Variants in ANKS3 observed in about 807,000 individuals in gnomAD.
The protein encoded by ANKS3 is ankyrin repeat and sterile alpha motif domain containing 3.
ANKS3 carries 62 observed loss-of-function variants against 80.7 expected under a neutral mutation model. The observed-to-expected ratio is 0.77, with a 90% CI of 0.63 to 0.95. The LOEUF (loss-of-function observed/expected upper bound fraction) is 0.95, where lower values mean the gene tolerates loss of function less well. Among genes scored for constraint, ANKS3 ranks in the 40% least tolerant of loss-of-function variants. The probability of loss-of-function intolerance (pLI) is 0.00; values close to 1 mark genes in which losing one functional copy is unlikely to be tolerated. For missense variants in ANKS3, 1,150 were observed against 883.6 expected (o/e 1.30, Z -3.82); for synonymous variants, 489 against 355.3 (o/e 1.38, Z -4.23).
intron 6 of ANKS3, among the ~76,000 whole-genome samples, chr16:4,723,153 C>T (rs2081187723): frequency 6.6e-6 from 1 of 152,168 alleles, no homozygotes. Flanking sequence ...TTGGGTTTAA[C>T]AGCCTTATAA....
intron 8 of ANKS3, 70 bp downstream of exon 8, chr16:4,705,024 AT>A: frequency 6.3e-7 from 1 of 1,574,806 alleles, no homozygotes; most frequent in Non-Finnish European, 8.6e-7. Flanking sequence ...CCTAAGAGCT[AT>A]TCCATTCTTG....
At chr16:4,700,675 G>A in intron 11 of ANKS3, 1 of 502,108 alleles carries the variant, frequency 2.0e-6, no homozygotes, top group Non-Finnish European at 3.7e-6. Context: ...GACTCCTGCA[G>A]GCAGCTCTGA....
At chr16:4,726,821 T>A in intron 4 of ANKS3, 41 bp from the exon 5 acceptor site, 1 of 1,604,936 alleles carries the variant, frequency 6.2e-7, no homozygotes, top group Non-Finnish European at 8.5e-7. Flanking sequence ...CCTCATCTCC[T>A]CTGCGTGGGG....
In ANKS3 at chr16:4,697,342, G is replaced by A. The variant is rs148047077; in HGVS notation, c.1885C>T (p.Arg629Cys). The A allele has an allele frequency of 1.7e-3, 2,694 of 1,606,738 alleles. 2 individuals are homozygous for A. The highest frequency in any genetic ancestry group is 1.8e-3 in the Non-Finnish European group (2,167 of 1,175,774). ...GTCCCCGGAGACTCACCCATCTCAC[G>A]GACACGGTCCTCCAGGGCTCCCGAG... ...ELSGALEDRV[R>C]EMGQALCLVT... Residue 629 changes from arginine (R) to cysteine (C), a missense_variant, in exon 16 of 18, where the codon CGT becomes TGT. Coordinates refer to ENST00000304283, the MANE Select transcript of ANKS3 (RefSeq NM_133450.4).
At chr16:4,717,123 T>C (rs976106588) in intron 6 of ANKS3, among the ~76,000 whole-genome samples, 8 of 151,696 alleles carry the variant, frequency 5.3e-5, no homozygotes, top group Admixed American at 5.3e-4. Flanking sequence ...ACGTCTGTAC[T>C]CCCAGCTACT....
At position 4,697,349 on chromosome 16, in the gene ANKS3, G is replaced by T; in HGVS notation, c.1878C>A (p.Asp626Glu). 6.2e-7 allele frequency: 1 copy of T among 1,608,486 alleles called. No homozygotes were observed. The highest frequency in any genetic ancestry group is 8.5e-7 in the Non-Finnish European group (1 of 1,176,826). ...GAGACTCACCCATCTCACGGACACG[G>T]TCCTCCAGGGCTCCCGAGAGCTCGG... Reference protein sequence around the residue: ...SLPELSGALEDRVREMGQALC... With the variant: ...SLPELSGALEERVREMGQALC... The change falls in exon 16 of 18, where the codon GAC (aspartate) becomes GAA (glutamate). Residue 626 changes from aspartate to glutamate, a missense_variant. Physicochemically the swap from Asp to Glu is conservative, Grantham distance 45. Coordinates refer to ENST00000304283, the MANE Select transcript of ANKS3 (RefSeq NM_133450.4).
intron 6 of ANKS3, among the ~76,000 whole-genome samples, chr16:4,716,612 T>A (rs1353733241): frequency 6.6e-6 from 1 of 151,912 alleles, no homozygotes; most frequent in Admixed American, 6.6e-5. Context: ...CTATGAGACT[T>A]TGTGCCTTAA....
At position 4,718,076 on chromosome 16, in the gene ANKS3, A is replaced by ATTT. The variant is rs780141955; in HGVS notation, c.574-3893_574-3891dup. 1.6e-3 allele frequency among the ~76,000 whole-genome samples: 208 copies of ATTT among 133,698 alleles called. 1 individual carries two copies. Among genetic ancestry groups the ATTT allele is most frequent in the African/African-American group, 5.6e-3 (201 of 36,054 alleles). The allele number at this position is 133,698 out of a possible 152,430, so 87.7% of individuals were successfully genotyped here. On this transcript the variant is annotated intron_variant, in intron 6 of 17. Coordinates refer to ENST00000304283, the MANE Select transcript of ANKS3 (RefSeq NM_133450.4). ...AGGCATGAGCCACCATGCCTGGCCAATTTTTTTTTTTTTTTTTTTTTTAAT... is the reference window on the plus strand; with the variant it reads ...AGGCATGAGCCACCATGCCTGGCCAATTTTTTTTTTTTTTTTTTTTTTTTTAAT...
chr16:4,726,089 C>T (rs2081337065), intron 5 of ANKS3, among the ~76,000 whole-genome samples: 1 of 151,892 alleles, frequency 6.6e-6, no homozygotes, highest in South Asian at 2.1e-4. Context: ...CATTCTCTTG[C>T]CTCAGCCTCC....
intron 6 of ANKS3, 127 bp downstream of exon 6, chr16:4,724,623 A>T (rs1596446285): frequency 2.2e-6 from 2 of 910,446 alleles, no homozygotes; most frequent in African/African-American, 3.3e-5. Context: ...AGATAATGAA[A>T]ATGTGTTGAA....
At chr16:4,707,843 G>C (rs2080280159) in intron 7 of ANKS3, among the ~76,000 whole-genome samples, 1 of 152,158 alleles carries the variant, frequency 6.6e-6, no homozygotes, top group South Asian at 2.1e-4. Flanking sequence ...GGGCGCGGTG[G>C]CTCACGCCTG....
intron 7 of ANKS3, among the ~76,000 whole-genome samples, chr16:4,705,998 A>C (rs2080168645): frequency 6.6e-6 from 1 of 151,626 alleles, no homozygotes; most frequent in African/African-American, 2.4e-5. Context: ...CCTGGGTTCA[A>C]GCAATTCTCC....
chr16:4,697,492 C>T (rs1230944742), intron 15 of ANKS3, 76 bp from the exon 16 acceptor site: 1 of 1,252,046 alleles, frequency 8.0e-7, no homozygotes, highest in African/African-American at 1.5e-5. Context: ...TGAGCCCATG[C>T]AACCAGGAGA....
At chr16:4,717,838 C>T (rs1053830343) in intron 6 of ANKS3, among the ~76,000 whole-genome samples, 2 of 151,990 alleles carry the variant, frequency 1.3e-5, no homozygotes, top group African/African-American at 4.8e-5. Flanking sequence ...CTCTGTCACC[C>T]AGGCTGGAGT....
At chr16:4,711,714 G>C (rs1477283188) in intron 7 of ANKS3, among the ~76,000 whole-genome samples, 23 of 126,642 alleles carry the variant, frequency 1.8e-4, no homozygotes, top group African/African-American at 6.8e-4. Context: ...GTGAAACTCT[G>C]TCTCAAAAAA....
Position 4,734,106 on chromosome 16 carries a change from C to A in ANKS3, c.-239G>T, listed in dbSNP as rs138241810. The A allele has an allele frequency of 2.3e-6, 2 of 886,406 alleles. No individual in the cohort carries two copies. The highest frequency in any genetic ancestry group is 1.4e-6 in the Non-Finnish European group (1 of 739,772). The allele number at this position is 886,406 out of a possible 1,614,324, so 54.9% of individuals were successfully genotyped here. On this transcript the variant is annotated 5_prime_UTR_variant, in exon 1 of 18. Transcript: ENST00000304283. ...GGGACGCCCGAGCGCCGGGTCTAGG[C>A]GGGCTGCAGGTGCCGGCAAGTGCTG...
chr16:4,697,122 T>C lies in ANKS3; in HGVS notation c.1895-18A>G, dbSNP rs1271715916. 2.5e-6 allele frequency: 4 copies of C among 1,612,026 alleles called. 1 individual carries two copies. In the East Asian group the frequency reaches 8.9e-5, roughly 36 times the overall value. On this transcript the variant is annotated intron_variant, in intron 16 of 17. Coordinates refer to ENST00000304283, the MANE Select transcript of ANKS3 (RefSeq NM_133450.4). ...TGCTTGCCCTGAGGAATGATGACCTTGAGCCTCTCCCGGCCAGGCTCAGGA... is the reference window on the plus strand; with the variant it reads ...TGCTTGCCCTGAGGAATGATGACCTCGAGCCTCTCCCGGCCAGGCTCAGGA...
chr16:4,727,333 A>C, intron 3 of ANKS3, 156 bp from the exon 4 acceptor site: 3 of 724,104 alleles, frequency 4.1e-6, no homozygotes, highest in Non-Finnish European at 6.9e-6. Flanking sequence ...AGGCAGGCAG[A>C]AAAATGCTGA....
intron 6 of ANKS3, among the ~76,000 whole-genome samples, chr16:4,724,122 A>T (rs898487107): frequency 6.6e-6 from 1 of 152,230 alleles, no homozygotes; most frequent in Admixed American, 6.5e-5. Flanking sequence ...CAAATGTATT[A>T]AAGCTATGTG....
Sources: allele counts gnomAD v4.1 joint callset (sites outside exome capture counted in the v4.1 genomes callset), GRCh38; gene constraint gnomAD v4.1.1; transcripts MANE v1.5; gene names NCBI Gene and HGNC (gene_info 2026-07-23, HGNC 2026-07-21).